Variants in EFNA5 observed in about 807,000 individuals in gnomAD.
The protein encoded by EFNA5 is ephrin-A5.
In EFNA5, 5 loss-of-function variants were observed where a neutral mutation model predicts 22.9. The observed-to-expected ratio is 0.22, with a 90% confidence interval of 0.11 to 0.46. The LOEUF is 0.46. EFNA5 is among the 20% of genes least tolerant of loss of function. The pLI, the probability that EFNA5 is intolerant of heterozygous loss-of-function variation, is 0.99. For synonymous variants in EFNA5, 113 were observed against 112.2 expected (o/e 1.01, Z -0.04); for missense variants, 237 against 293.3 (o/e 0.81, Z 1.40).
chr5:107,449,369 TA>T (rs200366690), intron 1 of EFNA5, among the ~76,000 whole-genome samples: 5,120 of 142,528 alleles, frequency 0.036, 266 homozygotes, highest in African/African-American at 0.12. Flanking sequence ...GCTAAAACCA[TA>T]AAAAAAAAAA....
intron 1 of EFNA5, among the ~76,000 whole-genome samples, chr5:107,666,757 T>C (rs1302906251): frequency 6.6e-6 from 1 of 152,126 alleles, no homozygotes; most frequent in Non-Finnish European, 1.5e-5. Context: ...TACCCTAATA[T>C]CATTTCAGCA....
chr5:107,563,127 T>C (rs374325071), intron 1 of EFNA5, among the ~76,000 whole-genome samples: 2 of 152,312 alleles, frequency 1.3e-5, no homozygotes, highest in Admixed American at 6.5e-5. Context: ...ACTCATTAAA[T>C]AACTCCTTTG....
chr5:107,670,452 C>G (rs1310385312), intron 1 of EFNA5, 37 bp downstream of exon 1: 13 of 1,532,992 alleles, frequency 8.5e-6, no homozygotes, highest in Non-Finnish European at 1.1e-5. Flanking sequence ...GCCCCGAGGC[C>G]CGGGTAGCCC....
intron 1 of EFNA5, among the ~76,000 whole-genome samples, chr5:107,552,961 T>C (rs991638092): frequency 3.9e-5 from 6 of 152,204 alleles, no homozygotes; most frequent in African/African-American, 1.4e-4. Flanking sequence ...AACAAGACAA[T>C]ATGAGGGCAC....
At chr5:107,475,166 G>A (rs1301057726) in intron 1 of EFNA5, among the ~76,000 whole-genome samples, 1 of 152,196 alleles carries the variant, frequency 6.6e-6, no homozygotes, top group African/African-American at 2.4e-5. Flanking sequence ...GTAGCACAGT[G>A]AATAAACAAT....
intron 1 of EFNA5, among the ~76,000 whole-genome samples, chr5:107,650,497 C>T (rs974983498): frequency 7.2e-5 from 11 of 152,128 alleles, no homozygotes; most frequent in Admixed American, 3.9e-4. Context: ...CACAAAATAA[C>T]GCAGAGTCAC....
At chr5:107,403,526 C>G (rs1748138321) in intron 2 of EFNA5, among the ~76,000 whole-genome samples, 1 of 152,198 alleles carries the variant, frequency 6.6e-6, no homozygotes, top group Non-Finnish European at 1.5e-5. Flanking sequence ...CTAGTTCTTC[C>G]TAGTGTAGTA....
chr5:107,495,893 TTC>T (rs907302864), intron 1 of EFNA5, among the ~76,000 whole-genome samples: 1 of 152,012 alleles, frequency 6.6e-6, no homozygotes, highest in Non-Finnish European at 1.5e-5. Context: ...AAGAGGTAGT[TTC>T]TGTAGTCAAA....
At chr5:107,390,168 A>G (rs1230214114) in intron 2 of EFNA5, among the ~76,000 whole-genome samples, 1 of 152,174 alleles carries the variant, frequency 6.6e-6, no homozygotes, top group Non-Finnish European at 1.5e-5. Flanking sequence ...AAAAACAAAC[A>G]AACAAAAAAA....
chr5:107,492,754 C>T (rs1399695279), intron 1 of EFNA5, among the ~76,000 whole-genome samples: 1 of 152,096 alleles, frequency 6.6e-6, no homozygotes, highest in Non-Finnish European at 1.5e-5. Context: ...ATCCCAGCAC[C>T]TTCGGAGGCC....
chr5:107,576,491 A>G (rs952381160), intron 1 of EFNA5, among the ~76,000 whole-genome samples: 2 of 152,226 alleles, frequency 1.3e-5, no homozygotes, highest in African/African-American at 4.8e-5. Context: ...CAAATGCAAA[A>G]GAATTACATG....
At chr5:107,416,566 T>C (rs1748510723) in intron 2 of EFNA5, among the ~76,000 whole-genome samples, 1 of 152,176 alleles carries the variant, frequency 6.6e-6, no homozygotes, top group Non-Finnish European at 1.5e-5. Flanking sequence ...TGCCACTTAG[T>C]ACATGCAATA....
chr5:107,414,463 T>C (rs138308065), intron 2 of EFNA5, among the ~76,000 whole-genome samples: 93 of 152,310 alleles, frequency 6.1e-4, no homozygotes, highest in Non-Finnish European at 1.1e-3. Context: ...TCATATTGAA[T>C]ACTTTCTCCA....
rs537030392 is a variant in EFNA5, at chr5:107,488,257, AT to A, written c.126-60749del. On this transcript the variant is annotated intron_variant, in intron 1 of 4. Transcript: ENST00000333274. Reference sequence around the variant, plus strand: ...TCTTGCGGCTTAGTTCAATTTTTTTATTGATTGATTGATTCATTCACTCACT... The same window carrying A: ...TCTTGCGGCTTAGTTCAATTTTTTTATGATTGATTGATTCATTCACTCACT... Among the ~76,000 whole-genome samples, 67 of 152,178 alleles carry A rather than the reference AT, an allele frequency of 4.4e-4. 1 individual carries two copies. Among genetic ancestry groups the A allele is most frequent in the Non-Finnish European group, 8.1e-4 (55 of 68,008 alleles).
intron 1 of EFNA5, among the ~76,000 whole-genome samples, chr5:107,575,721 T>A (rs149024578): frequency 3.3e-5 from 5 of 152,100 alleles, no homozygotes; most frequent in African/African-American, 9.7e-5. Context: ...ACTATGAGAA[T>A]TGGGCCACAG....
chr5:107,377,641 G>C lies in EFNA5; in HGVS notation c.*3614C>G, dbSNP rs558364334. ...ACTCTTCCTTTCACAACGACACAGA[G>C]AGGGAAACAGCCCCATTTAAGCTTC... On this transcript the variant is annotated 3_prime_UTR_variant, in exon 5 of 5. Coordinates refer to ENST00000333274, the MANE Select transcript of EFNA5 (RefSeq NM_001962.3). 5.5e-4 allele frequency: 84 copies of C among 152,284 alleles called. No homozygotes were observed. The highest frequency in any genetic ancestry group is 1.9e-3 in the African/African-American group (77 of 41,538). The allele number at this position is 152,284 out of a possible 1,614,324, so 9.4% of individuals were successfully genotyped here. A position where few individuals can be genotyped will look rare whatever the true frequency, so the allele number is the denominator to read the frequency against.
At chr5:107,584,020 C>T (rs1749127476) in intron 1 of EFNA5, among the ~76,000 whole-genome samples, 1 of 152,140 alleles carries the variant, frequency 6.6e-6, no homozygotes, top group Non-Finnish European at 1.5e-5. Context: ...TGGATCCACA[C>T]AGGCTCGGCG....
At chr5:107,513,191 T>C (rs1747408210) in intron 1 of EFNA5, among the ~76,000 whole-genome samples, 2 of 152,018 alleles carry the variant, frequency 1.3e-5, no homozygotes, top group Admixed American at 1.3e-4. Context: ...AGTCCTACTG[T>C]AGTCAGAGAT....
intron 1 of EFNA5, among the ~76,000 whole-genome samples, chr5:107,610,753 T>C (rs1366719895): frequency 6.6e-6 from 1 of 152,190 alleles, no homozygotes; most frequent in African/African-American, 2.4e-5. Flanking sequence ...TCACCCATTG[T>C]TCATTTTATT....
Sources: gnomAD v4.1 joint callset for allele counts (sites outside exome capture counted in the v4.1 genomes callset) on GRCh38, gnomAD v4.1.1 for gene constraint, MANE v1.5 for transcripts, NCBI Gene and HGNC (gene_info 2026-07-23, HGNC 2026-07-21) for gene names.